LTBP1: variants seen among roughly 807,000 people sequenced by gnomAD.
LTBP1 encodes the protein latent transforming growth factor beta binding protein 1.
Under a neutral mutation model 207.6 loss-of-function variants are expected in LTBP1, and 129 were observed. That is an observed-to-expected ratio of 0.62 (90% CI 0.54 to 0.72). The LOEUF (loss-of-function observed/expected upper bound fraction) is 0.72, where lower values mean the gene tolerates loss of function less well. Among genes scored for constraint, LTBP1 ranks in the 30% least tolerant of loss-of-function variants. The probability of loss-of-function intolerance (pLI) is 0.00; values close to 1 mark genes in which losing one functional copy is unlikely to be tolerated. For synonymous variants in LTBP1, 963 were observed against 833.7 expected (o/e 1.16, Z -2.67); for missense variants, 2,281 against 2,217.2 (o/e 1.03, Z -0.58).
chr2:32,959,549 A>ATATGTG (rs1553344502), intron 2 of LTBP1, among the ~76,000 whole-genome samples: 5 of 125,346 alleles, frequency 4.0e-5, no homozygotes, highest in African/African-American at 9.1e-5. Context: ...CTGTATATAT[A>ATATGTG]TGTGTGTGTG....
At chr2:33,234,369 G>C (rs937877154) in intron 9 of LTBP1, among the ~76,000 whole-genome samples, 2 of 152,020 alleles carry the variant, frequency 1.3e-5, no homozygotes, top group African/African-American at 4.8e-5. Flanking sequence ...AAACTTAGAC[G>C]AGATCGGGCA....
At chr2:33,072,319 GCT>G (rs996449205) in intron 3 of LTBP1, among the ~76,000 whole-genome samples, 20 of 152,324 alleles carry the variant, frequency 1.3e-4, no homozygotes, top group African/African-American at 3.8e-4. Flanking sequence ...GCTATCTGAA[GCT>G]CTCTGAACCC....
intron 20 of LTBP1, among the ~76,000 whole-genome samples, chr2:33,299,807 T>A (rs2093948954): frequency 6.6e-6 from 1 of 152,250 alleles, no homozygotes; most frequent in South Asian, 2.1e-4. Flanking sequence ...CTAGGACACT[T>A]ATTAAGAATT....
intron 20 of LTBP1, 96 bp from the exon 21 acceptor site, chr2:33,300,355 A>G (rs1441586172): frequency 7.9e-7 from 1 of 1,261,268 alleles, no homozygotes; most frequent in African/African-American, 1.5e-5. Flanking sequence ...AAGTACTATT[A>G]TTTTTGTTAC....
intron 3 of LTBP1, among the ~76,000 whole-genome samples, chr2:33,029,580 A>G (rs1469127286): frequency 6.6e-6 from 1 of 152,248 alleles, no homozygotes; most frequent in Non-Finnish European, 1.5e-5. Flanking sequence ...TTCAACCGGT[A>G]CAAACCATAA....
At chr2:33,305,599 A>C (rs1407445537) in intron 22 of LTBP1, among the ~76,000 whole-genome samples, 5 of 152,182 alleles carry the variant, frequency 3.3e-5, no homozygotes, top group Admixed American at 3.3e-4. Flanking sequence ...GATGCCCAAG[A>C]TGAATATTTG....
chr2:33,160,356 C>G (rs1250691195), intron 5 of LTBP1, among the ~76,000 whole-genome samples: 2 of 152,058 alleles, frequency 1.3e-5, no homozygotes, highest in Non-Finnish European at 2.9e-5. Flanking sequence ...AATCCAAGTG[C>G]CTTGGACTGC....
intron 5 of LTBP1, among the ~76,000 whole-genome samples, chr2:33,163,722 G>A (rs952636809): frequency 6.6e-6 from 1 of 152,092 alleles, no homozygotes; most frequent in Admixed American, 6.6e-5. Flanking sequence ...GCAGCACCTG[G>A]ATTTTAGGAC....
chr2:33,374,442 A>G (rs898084036), intron 31 of LTBP1, among the ~76,000 whole-genome samples: 2 of 152,230 alleles, frequency 1.3e-5, no homozygotes, highest in Admixed American at 1.3e-4. Flanking sequence ...GAACATTATA[A>G]TTAAAGAAAC....
At chr2:33,229,943 C>T (rs1301290308) in intron 9 of LTBP1, among the ~76,000 whole-genome samples, 3 of 152,194 alleles carry the variant, frequency 2.0e-5, no homozygotes, top group Admixed American at 6.5e-5. Flanking sequence ...AGGCATTTGA[C>T]TCATAATATG....
chr2:33,250,451 T>G (rs1430860335), intron 10 of LTBP1, among the ~76,000 whole-genome samples: 1 of 152,048 alleles, frequency 6.6e-6, no homozygotes, highest in Non-Finnish European at 1.5e-5. Flanking sequence ...ACACTGAGGT[T>G]TAACAGAGAA....
intron 2 of LTBP1, among the ~76,000 whole-genome samples, chr2:33,015,749 C>T (rs1273640911): frequency 6.6e-6 from 1 of 152,166 alleles, no homozygotes; most frequent in Non-Finnish European, 1.5e-5. Context: ...GTACAGGAAG[C>T]ATAGCAGCTT....
intron 7 of LTBP1, among the ~76,000 whole-genome samples, chr2:33,208,865 A>AT (rs3053310): frequency 0.12 from 13,133 of 112,756 alleles, 1,136 homozygotes; most frequent in Middle Eastern, 0.16. Context: ...TCTTGCTACT[A>AT]TTTTTTTTTT....
At chr2:33,194,632 G>T (rs1472715231) in intron 7 of LTBP1, among the ~76,000 whole-genome samples, 9 of 152,202 alleles carry the variant, frequency 5.9e-5, no homozygotes, top group Admixed American at 5.9e-4. Context: ...GAAGCTAGTA[G>T]TGGTTGGTTC....
At chr2:33,097,200 T>C (rs1405889744) in intron 3 of LTBP1, among the ~76,000 whole-genome samples, 1 of 152,218 alleles carries the variant, frequency 6.6e-6, no homozygotes, top group Non-Finnish European at 1.5e-5. Context: ...TCTAAACTTT[T>C]AAATTGTGTA....
At chr2:33,162,606 G>T (rs2084563893) in intron 5 of LTBP1, among the ~76,000 whole-genome samples, 1 of 152,190 alleles carries the variant, frequency 6.6e-6, no homozygotes, top group African/African-American at 2.4e-5. Context: ...ATCAGCTCAT[G>T]AGCAGATGGA....
At chr2:33,049,075 A>C (rs545585309) in intron 3 of LTBP1, among the ~76,000 whole-genome samples, 1 of 152,338 alleles carries the variant, frequency 6.6e-6, no homozygotes, top group South Asian at 2.1e-4. Flanking sequence ...AAATCTGGTG[A>C]TCTGGTGCTA....
intron 7 of LTBP1, among the ~76,000 whole-genome samples, chr2:33,193,716 G>T (rs371312625): frequency 6.6e-6 from 1 of 152,144 alleles, no homozygotes; most frequent in South Asian, 2.1e-4. Context: ...ATCTGTTATG[G>T]TGATGTGTGA....
intron 3 of LTBP1, among the ~76,000 whole-genome samples, chr2:33,036,923 A>G (rs1402663810): frequency 6.6e-6 from 1 of 151,694 alleles, no homozygotes; most frequent in Admixed American, 6.6e-5. Flanking sequence ...GCTTTCTTAC[A>G]GTGAACTCGT....
Sources: allele counts gnomAD v4.1 joint callset (sites outside exome capture counted in the v4.1 genomes callset), GRCh38; gene constraint gnomAD v4.1.1; transcripts MANE v1.5; gene names NCBI Gene and HGNC (gene_info 2026-07-23, HGNC 2026-07-21).